The following DLGAP2 variants were observed in gnomAD, a reference collection of about 807,000 sequenced individuals.
The protein encoded by DLGAP2 is DLG associated protein 2, also known as disks large-associated protein 2.
In DLGAP2, 26 loss-of-function variants were observed where a neutral mutation model predicts 100.3. That is an observed-to-expected ratio of 0.26 (90% confidence interval 0.19 to 0.36). The LOEUF (loss-of-function observed/expected upper bound fraction) is 0.36, where lower values mean the gene tolerates loss of function less well. Among genes scored for constraint, DLGAP2 ranks in the 10% least tolerant of loss-of-function variants. DLGAP2 has a pLI of 1.00. For missense variants in DLGAP2, 1,858 were observed against 1,453.2 expected (o/e 1.28, Z -4.53); for synonymous variants, 886 against 630.1 (o/e 1.41, Z -6.08).
chr8:1,168,114 G>C (rs1423164087), intron 2 of DLGAP2, among the ~76,000 whole-genome samples: 2 of 139,860 alleles, frequency 1.4e-5, no homozygotes, highest in African/African-American at 2.7e-5. Context: ...TCCCACCTAT[G>C]AGTGAGAATC....
At chr8:1,033,391 TG>T (rs561513323) in intron 2 of DLGAP2, among the ~76,000 whole-genome samples, 25 of 151,762 alleles carry the variant, frequency 1.6e-4, no homozygotes, top group African/African-American at 5.6e-4. Context: ...GGGTTGGGGG[TG>T]GTGGTGGCTC....
At position 1,171,829 on chromosome 8, in the gene DLGAP2, CTT is replaced by C. The variant is rs1234411860; in HGVS notation, c.74-87020_74-87019del. On this transcript the variant is annotated intron_variant, in intron 2 of 14. Coordinates refer to ENST00000637795, the MANE Select transcript of DLGAP2 (RefSeq NM_001346810.2). ...TATAACACACTGATGGGTCTTGACT[CTT>C]TATCCAATTTGCCAGTCTGTGTCTT... 2.0e-4 allele frequency among the ~76,000 whole-genome samples: 30 copies of C among 152,136 alleles called. 1 individual carries two copies. Among genetic ancestry groups the C allele is most frequent in the South Asian group, 6.2e-4 (3 of 4,822 alleles).
At chr8:1,219,190 T>C (rs1798270389) in intron 2 of DLGAP2, among the ~76,000 whole-genome samples, 1 of 151,708 alleles carries the variant, frequency 6.6e-6, no homozygotes, top group Admixed American at 6.6e-5. Context: ...GGCATTCTTG[T>C]TTTGTTCTGG....
In DLGAP2 at chr8:1,428,869, A is replaced by C. The variant is rs570738096; in HGVS notation, c.107-72497A>C. On this transcript the variant is annotated intron_variant, in intron 3 of 14. Transcript: ENST00000637795. Reference sequence around the variant, plus strand: ...ACATCCAGCTGCTCACTCACCAGCTAGGTGACTCCCATGCACAGGACGTCG... The same window carrying C: ...ACATCCAGCTGCTCACTCACCAGCTCGGTGACTCCCATGCACAGGACGTCG... Among the ~76,000 whole-genome samples the C allele has an allele frequency of 2.0e-5, 3 of 152,348 alleles. No homozygotes were observed. In the South Asian group the frequency reaches 6.2e-4, roughly 32 times the overall value.
chr8:1,174,780 C>T (rs1360369756), intron 2 of DLGAP2, among the ~76,000 whole-genome samples: 1 of 152,086 alleles, frequency 6.6e-6, no homozygotes, highest in Non-Finnish European at 1.5e-5. Flanking sequence ...TTGTCATCAT[C>T]ACCACCATCA....
chr8:1,661,575 G>A (rs1174806947), intron 8 of DLGAP2, among the ~76,000 whole-genome samples: 2 of 152,192 alleles, frequency 1.3e-5, no homozygotes, highest in East Asian at 3.9e-4. Context: ...CCATGTATGG[G>A]AAAACAGAAA....
intron 2 of DLGAP2, among the ~76,000 whole-genome samples, chr8:1,102,232 A>G (rs1420568454): frequency 6.8e-6 from 1 of 147,984 alleles, no homozygotes; most frequent in Non-Finnish European, 1.5e-5. Context: ...TATAGATTCA[A>G]GCTTTTACTG....
intron 3 of DLGAP2, among the ~76,000 whole-genome samples, chr8:1,299,761 CT>C (rs780406189): frequency 2.1e-4 from 32 of 152,282 alleles, no homozygotes; most frequent in Non-Finnish European, 3.1e-4. Flanking sequence ...ACAATCCCCC[CT>C]GGACTGCACT....
At chr8:1,684,714 G>C (rs4520189) in intron 12 of DLGAP2, among the ~76,000 whole-genome samples, 12,194 of 145,436 alleles carry the variant, frequency 0.084, 1,527 homozygotes, top group African/African-American at 0.28. Context: ...TAAATCATTA[G>C]TAATGTTTTA....
At chr8:1,616,435 C>G (rs1168856737) in intron 6 of DLGAP2, among the ~76,000 whole-genome samples, 1 of 152,044 alleles carries the variant, frequency 6.6e-6, no homozygotes, top group Non-Finnish European at 1.5e-5. Context: ...AAAATCATAC[C>G]TAGCCACAAA....
At chr8:1,613,092 C>T (rs375852898) in intron 6 of DLGAP2, among the ~76,000 whole-genome samples, 4,776 of 135,394 alleles carry the variant, frequency 0.035, 255 homozygotes, top group African/African-American at 0.13. Flanking sequence ...CACATGCACA[C>T]GTATGTTTAT....
intron 1 of DLGAP2, chr8:739,808 AT>A (rs748427283): frequency 1.3e-5 from 2 of 152,160 alleles, no homozygotes; most frequent in Admixed American, 6.5e-5. Context: ...AGAATATTTT[AT>A]CCCCTACATC....
At chr8:759,626 G>T (rs533907224) in intron 1 of DLGAP2, among the ~76,000 whole-genome samples, 1 of 152,288 alleles carries the variant, frequency 6.6e-6, no homozygotes, top group Non-Finnish European at 1.5e-5. Flanking sequence ...GACTGGGACG[G>T]GTGTGCATAG....
chr8:1,070,637 G>A (rs1803399231), intron 2 of DLGAP2, among the ~76,000 whole-genome samples: 3 of 152,200 alleles, frequency 2.0e-5, no homozygotes, highest in Non-Finnish European at 4.4e-5. Context: ...TATGTGAAAA[G>A]TGTGAGTGTG....
chr8:768,773 A>C (rs1478240305), intron 1 of DLGAP2, among the ~76,000 whole-genome samples: 1 of 152,144 alleles, frequency 6.6e-6, no homozygotes. Flanking sequence ...ATCAAAAAAC[A>C]CTTAAAAATG....
intron 3 of DLGAP2, among the ~76,000 whole-genome samples, chr8:1,463,424 G>T (rs748973388): frequency 1.3e-5 from 2 of 152,210 alleles, no homozygotes; most frequent in African/African-American, 2.4e-5. Context: ...TGGCTATGTA[G>T]TGTGTCCAGG....
intron 2 of DLGAP2, among the ~76,000 whole-genome samples, chr8:930,216 A>C (rs1433046568): frequency 6.6e-6 from 1 of 152,196 alleles, no homozygotes; most frequent in Non-Finnish European, 1.5e-5. Flanking sequence ...TTCCTGGAGG[A>C]AGCAAAGGCA....
intron 2 of DLGAP2, among the ~76,000 whole-genome samples, chr8:1,124,921 C>T (rs1796130995): frequency 6.6e-6 from 1 of 152,186 alleles, no homozygotes; most frequent in African/African-American, 2.4e-5. Flanking sequence ...GAAGGCTCTG[C>T]CCCTATACCG....
chr8:1,283,082 A>G (rs58159311), intron 3 of DLGAP2, among the ~76,000 whole-genome samples: 34 of 128,090 alleles, frequency 2.7e-4, no homozygotes, highest in South Asian at 8.0e-4. Flanking sequence ...TGAAGCATCC[A>G]GACGTGGTGT....
Sources: gnomAD v4.1 joint callset for allele counts (sites outside exome capture counted in the v4.1 genomes callset) on GRCh38, gnomAD v4.1.1 for gene constraint, MANE v1.5 for transcripts, NCBI Gene and HGNC (gene_info 2026-07-23, HGNC 2026-07-21) for gene names.